The following LRP1B variants were observed in gnomAD, a reference collection of about 807,000 sequenced individuals.
LRP1B encodes LDL receptor related protein 1B.
Under a neutral mutation model 556.6 loss-of-function variants are expected in LRP1B, and 217 were observed. That is an observed-to-expected ratio of 0.39 (90% CI 0.35 to 0.44). The LOEUF (loss-of-function observed/expected upper bound fraction) is 0.44. LRP1B is among the 20% of genes least tolerant of loss of function. The pLI, the probability that LRP1B is intolerant of heterozygous loss-of-function variation, is 1.00. For missense variants in LRP1B, 5,053 were observed against 5,620.8 expected (o/e 0.90, Z 3.23); for synonymous variants, 2,047 against 1,865.8 (o/e 1.10, Z -2.50).
At chr2:141,479,330 T>TA (rs533517479) in intron 3 of LRP1B, among the ~76,000 whole-genome samples, 237 of 152,292 alleles carry the variant, frequency 1.6e-3, no homozygotes, top group African/African-American at 5.0e-3. Context: ...TACAATGTTT[T>TA]AAAAAATAGC....
intron 50 of LRP1B, among the ~76,000 whole-genome samples, chr2:140,516,646 T>C (rs1689914221): frequency 6.6e-6 from 1 of 152,138 alleles, no homozygotes; most frequent in Admixed American, 6.6e-5. Flanking sequence ...TATAAACTGA[T>C]GGAAGTAATT....
At chr2:141,618,593 G>C (rs1025762768) in intron 2 of LRP1B, among the ~76,000 whole-genome samples, 7 of 152,138 alleles carry the variant, frequency 4.6e-5, no homozygotes, top group African/African-American at 7.2e-5. Flanking sequence ...ATGACCACCT[G>C]TTTTTGATCT....
chr2:140,533,575 A>T (rs1401630321), intron 47 of LRP1B, among the ~76,000 whole-genome samples: 1 of 152,186 alleles, frequency 6.6e-6, no homozygotes, highest in Non-Finnish European at 1.5e-5. Context: ...GAAATGGAAG[A>T]TATTTCAAAG....
intron 35 of LRP1B, among the ~76,000 whole-genome samples, chr2:140,729,761 T>C (rs1037121432): frequency 2.6e-5 from 4 of 152,166 alleles, no homozygotes; most frequent in African/African-American, 9.7e-5. Flanking sequence ...TCAACCTATA[T>C]TGGGGGTACA....
At chr2:141,497,782 CAG>C (rs1159160948) in intron 2 of LRP1B, among the ~76,000 whole-genome samples, 4 of 151,842 alleles carry the variant, frequency 2.6e-5, no homozygotes, top group African/African-American at 7.3e-5. Context: ...TTGATAAATG[CAG>C]AGTTTTTTAA....
At chr2:141,682,799 C>T (rs1204775012) in intron 2 of LRP1B, among the ~76,000 whole-genome samples, 1 of 152,060 alleles carries the variant, frequency 6.6e-6, no homozygotes, top group Admixed American at 6.6e-5. Flanking sequence ...CTTTGAAATA[C>T]AAAGAATATT....
At chr2:141,102,317 G>A (rs1386018740) in intron 7 of LRP1B, among the ~76,000 whole-genome samples, 2 of 152,084 alleles carry the variant, frequency 1.3e-5, no homozygotes, top group Non-Finnish European at 2.9e-5. Flanking sequence ...CTTGTATTTA[G>A]ACTCCTCTGT....
chr2:141,358,079 A>G (rs575372190), intron 3 of LRP1B, among the ~76,000 whole-genome samples: 2 of 152,272 alleles, frequency 1.3e-5, no homozygotes, highest in Non-Finnish European at 2.9e-5. Context: ...TAGGGTATCA[A>G]CTCCTCTTGA....
chr2:142,130,184 C>G (rs1288290016), intron 1 of LRP1B, among the ~76,000 whole-genome samples: 1 of 152,192 alleles, frequency 6.6e-6, no homozygotes, highest in African/African-American at 2.4e-5. Flanking sequence ...GCGCTTTCGC[C>G]GCTCCACGGA....
At chr2:142,110,715 T>C (rs893705030) in intron 1 of LRP1B, among the ~76,000 whole-genome samples, 23 of 152,156 alleles carry the variant, frequency 1.5e-4, no homozygotes, top group African/African-American at 5.1e-4. Context: ...TAGGAACTAT[T>C]TTTAAAGCCC....
At chr2:141,809,510 G>T (rs1348551882) in intron 2 of LRP1B, among the ~76,000 whole-genome samples, 1 of 151,922 alleles carries the variant, frequency 6.6e-6, no homozygotes, top group African/African-American at 2.4e-5. Flanking sequence ...ATATTCAGGG[G>T]ACTGTTCATA....
At chr2:140,983,439 AAC>A (rs1405564086) in intron 17 of LRP1B, among the ~76,000 whole-genome samples, 1 of 152,132 alleles carries the variant, frequency 6.6e-6, no homozygotes, top group Non-Finnish European at 1.5e-5. Flanking sequence ...TTGTCTCATC[AAC>A]ACACTTTGTG....
intron 3 of LRP1B, among the ~76,000 whole-genome samples, chr2:141,402,314 C>T (rs1446399007): frequency 6.6e-6 from 1 of 152,112 alleles, no homozygotes; most frequent in Non-Finnish European, 1.5e-5. Context: ...GAATGGAATG[C>T]TAGTCACCAA....
chr2:141,518,999 G>A (rs574388840), intron 2 of LRP1B, among the ~76,000 whole-genome samples: 1 of 148,366 alleles, frequency 6.7e-6, no homozygotes, highest in South Asian at 2.2e-4. Flanking sequence ...TGGGGAGAGA[G>A]AGACATTTCC....
chr2:142,074,029 C>T lies in LRP1B; in HGVS notation c.82+56619G>A, dbSNP rs140300561. On this transcript the variant is annotated intron_variant, in intron 1 of 90. Coordinates refer to ENST00000389484, the MANE Select transcript of LRP1B (RefSeq NM_018557.3). ...TCTCAGGTATTTCTTTACAGCAGTG[C>T]GAGAATGGACTAATATACCATCTCT... Among the ~76,000 whole-genome samples, 20 of 152,012 alleles carry T rather than the reference C, an allele frequency of 1.3e-4. No homozygotes were observed. In the East Asian group the frequency reaches 1.9e-3, roughly 15 times the overall value.
intron 3 of LRP1B, among the ~76,000 whole-genome samples, chr2:141,391,554 A>G (rs1690051210): frequency 6.6e-6 from 1 of 152,164 alleles, no homozygotes; most frequent in African/African-American, 2.4e-5. Context: ...CTCATACACC[A>G]TGGTAATTGA....
chr2:140,812,248 G>A (rs2105032742), intron 32 of LRP1B, among the ~76,000 whole-genome samples: 1 of 152,118 alleles, frequency 6.6e-6, no homozygotes, highest in East Asian at 1.9e-4. Flanking sequence ...TTTTCAAAAA[G>A]TACATTCATT....
chr2:141,690,440 T>TAA (rs1691483048), intron 2 of LRP1B, among the ~76,000 whole-genome samples: 2 of 132,820 alleles, frequency 1.5e-5, no homozygotes, highest in South Asian at 2.4e-4. Context: ...TATATATATA[T>TAA]AATTACAAAT....
chr2:141,748,426 T>C (rs1159379117), intron 2 of LRP1B, among the ~76,000 whole-genome samples: 1 of 152,176 alleles, frequency 6.6e-6, no homozygotes, highest in Non-Finnish European at 1.5e-5. Flanking sequence ...TTTAATTGTT[T>C]CTCTATTATA....
Sources: gnomAD v4.1 joint callset for allele counts (sites outside exome capture counted in the v4.1 genomes callset) on GRCh38, gnomAD v4.1.1 for gene constraint, MANE v1.5 for transcripts, NCBI Gene and HGNC (gene_info 2026-07-23, HGNC 2026-07-21) for gene names.